Variants in MGST1 observed in about 807,000 individuals in gnomAD.
The protein encoded by MGST1 is glutathione S-transferase 12.
A neutral mutation model predicts 8.9 loss-of-function variants in MGST1; 5 were observed. That is an observed-to-expected ratio of 0.56 (90% CI 0.29 to 1.19). MGST1 has a LOEUF of 1.19. Among genes scored for constraint, MGST1 ranks in the 50% most tolerant of loss-of-function variants. The pLI is 0.08. For missense variants in MGST1, 182 were observed against 187.4 expected (o/e 0.97, Z 0.17); for synonymous variants, 54 against 67.8 (o/e 0.80, Z 1.00).
chr12:16,567,728 G>A (rs1942666433), intron 4 of MGST1: 1 of 152,178 alleles, frequency 6.6e-6, no homozygotes, highest in South Asian at 2.1e-4. Flanking sequence ...ATGACAGCTT[G>A]GATGATAGAA....
chr12:16,570,445 A>C (rs1942776724), intron 4 of MGST1, among the ~76,000 whole-genome samples: 1 of 152,188 alleles, frequency 6.6e-6, no homozygotes, highest in Admixed American at 6.5e-5. Context: ...TCAAATACTG[A>C]AATTTTCAAC....
intron 4 of MGST1, among the ~76,000 whole-genome samples, chr12:16,488,763 G>A (rs572032631): frequency 6.6e-6 from 1 of 152,108 alleles, no homozygotes; most frequent in South Asian, 2.1e-4. Context: ...TGGCCATAAT[G>A]TCATGAGTGT....
In MGST1 at chr12:16,582,762, A is replaced by T. The variant is rs1292668909; in HGVS notation, n.483-6766A>T. Among the ~76,000 whole-genome samples the T allele has an allele frequency of 6.6e-6, 1 of 152,188 alleles. No homozygotes were observed. The highest frequency in any genetic ancestry group is 2.4e-5 in the African/African-American group (1 of 41,464). The stretch of plus-strand genomic sequence containing the variant: ...ATGAGACGCCCAGAAAAGAATCAGA[A>T]CTAGGCCGGGCACGGTGGCCCATGC... On this transcript the variant is annotated intron_variant and non_coding_transcript_variant, in intron 4 of 4. Coordinates refer to the MGST1 transcript ENST00000538857. The surrounding 1 kb of genome is among the most constrained non-coding windows in gnomAD (Gnocchi z 4.1).
At chr12:16,481,663 T>C (rs1330013480) in intron 4 of MGST1, among the ~76,000 whole-genome samples, 1 of 152,028 alleles carries the variant, frequency 6.6e-6, no homozygotes, top group Non-Finnish European at 1.5e-5. Flanking sequence ...TAATTAATAA[T>C]CTAGACGGTA....
In MGST1 at chr12:16,410,749, T is replaced by TTA. The variant is rs992620741; in HGVS notation, n.779-26629_779-26628dup. Among the ~76,000 whole-genome samples the TTA allele has an allele frequency of 6.7e-6, 1 of 150,084 alleles. No homozygotes were observed. The highest frequency in any genetic ancestry group is 1.5e-5 in the Non-Finnish European group (1 of 67,602). The stretch of plus-strand genomic sequence containing the variant: ...AATATACTCAAATGTATATGTTTGA[T>TTA]TATATATATATTTGATTATGTCATC... On this transcript the variant is annotated intron_variant and non_coding_transcript_variant, in intron 1 of 1. Coordinates refer to the MGST1 transcript ENST00000359720. This position sits in a 1 kb window ranked among gnomAD's most constrained non-coding sequence, Gnocchi z 4.4.
intron 1 of MGST1, among the ~76,000 whole-genome samples, chr12:16,431,169 G>A (rs1185732064): frequency 6.6e-6 from 1 of 152,166 alleles, no homozygotes. Flanking sequence ...GAGAATTAGG[G>A]CCTTGCCCTG....
chr12:16,352,393 T>C (rs1011234772), intron 1 of MGST1, among the ~76,000 whole-genome samples: 1 of 152,028 alleles, frequency 6.6e-6, no homozygotes, highest in Non-Finnish European at 1.5e-5. Flanking sequence ...AATGCAGGGG[T>C]TGAGCTTTAA....
At chr12:16,510,855 A>G (rs570960199) in intron 4 of MGST1, among the ~76,000 whole-genome samples, 113 of 152,300 alleles carry the variant, frequency 7.4e-4, no homozygotes, top group Non-Finnish European at 1.4e-3. Flanking sequence ...GGAAAGGCAA[A>G]ATCAATTTTT....
At chr12:16,366,700 C>A (rs1940198643), downstream of MGST1, among the ~76,000 whole-genome samples, 1 of 150,982 alleles carries the variant, frequency 6.6e-6, no homozygotes, top group African/African-American at 2.4e-5. This position sits in a 1 kb window ranked among gnomAD's most constrained non-coding sequence, Gnocchi z 4.0. Context: ...CGGTTCTAAC[C>A]ATTATGGATG....
chr12:16,526,201 A>G (rs970299941), intron 4 of MGST1, among the ~76,000 whole-genome samples: 4 of 151,200 alleles, frequency 2.6e-5, no homozygotes, highest in African/African-American at 4.9e-5. Flanking sequence ...TTGGTGTTTT[A>G]GACATGAAGT....
At chr12:16,479,235 C>CTTTTTTTTTTT (rs542448251) in intron 4 of MGST1, among the ~76,000 whole-genome samples, 14 of 112,062 alleles carry the variant, frequency 1.2e-4, no homozygotes, top group Non-Finnish European at 2.0e-4. Flanking sequence ...TAGACTGTAT[C>CTTTTTTTTTTT]TTTTTTTTTT....
At chr12:16,577,268 G>A (rs1253742293) in intron 4 of MGST1, among the ~76,000 whole-genome samples, 2 of 152,114 alleles carry the variant, frequency 1.3e-5, no homozygotes, top group African/African-American at 2.4e-5. Context: ...CTGAAAGGCC[G>A]TAAACTTTCT....
intron 4 of MGST1, among the ~76,000 whole-genome samples, chr12:16,514,834 G>A (rs1241521113): frequency 6.6e-6 from 1 of 152,220 alleles, no homozygotes; most frequent in East Asian, 1.9e-4. Context: ...AGAACATGTA[G>A]TGACATAGGG....
intron 4 of MGST1, among the ~76,000 whole-genome samples, chr12:16,580,484 T>C (rs144410909): frequency 6.6e-6 from 1 of 152,310 alleles, no homozygotes; most frequent in African/African-American, 2.4e-5. Context: ...CCATCAGATG[T>C]AAAGTGAAAT....
chr12:16,447,690 G>A (rs958040841), intron 4 of MGST1, among the ~76,000 whole-genome samples: 1 of 151,880 alleles, frequency 6.6e-6, no homozygotes, highest in African/African-American at 2.4e-5. Flanking sequence ...TTTCAGCCAG[G>A]CATCCTGGAG....
At chr12:16,487,801 C>T (rs988655504) in intron 4 of MGST1, among the ~76,000 whole-genome samples, 1 of 152,134 alleles carries the variant, frequency 6.6e-6, no homozygotes, top group Admixed American at 6.5e-5. Flanking sequence ...TGTGCACAAC[C>T]ACACCTGGAT....
intron 4 of MGST1, among the ~76,000 whole-genome samples, chr12:16,551,694 C>T (rs1006207789): frequency 8.6e-5 from 13 of 151,644 alleles, no homozygotes; most frequent in African/African-American, 2.7e-4. Flanking sequence ...TAATGTTTCA[C>T]TGCAGTAATT....
At chr12:16,357,378 A>G (rs938476396) in intron 2 of MGST1, 11 of 395,068 alleles carry the variant, frequency 2.8e-5, no homozygotes, top group African/African-American at 2.1e-4. Context: ...TCCAACCTCA[A>G]CCTCCTGAGT....
chr12:16,584,368 T>C lies in MGST1; in HGVS notation n.483-5160T>C, dbSNP rs530692436. Among the ~76,000 whole-genome samples, 21 of 152,090 alleles carry C rather than the reference T, an allele frequency of 1.4e-4. No individual in the cohort carries two copies. Among genetic ancestry groups the C allele is most frequent in the Non-Finnish European group, 2.8e-4 (19 of 68,018 alleles). ...CCTTAAAGGAGAGGCAAGTTTCAGG[T>C]AAGGCAACAGATGAAATTCAGTTAA... On this transcript the variant is annotated intron_variant and non_coding_transcript_variant, in intron 4 of 4. Coordinates refer to the MGST1 transcript ENST00000538857. This position sits in a 1 kb window ranked among gnomAD's most constrained non-coding sequence, Gnocchi z 5.2.
Sources: allele counts gnomAD v4.1 joint callset (sites outside exome capture counted in the v4.1 genomes callset), GRCh38; gene constraint gnomAD v4.1.1; non-coding constraint Gnocchi (gnomAD v3.1); transcripts MANE v1.5; gene names NCBI Gene and HGNC (gene_info 2026-07-23, HGNC 2026-07-21).